The following LRP6 variants were observed in gnomAD, a reference collection of about 807,000 sequenced individuals.
LRP6 encodes the protein LDL receptor related protein 6, also known as low-density lipoprotein receptor-related protein 6.
A neutral mutation model predicts 184.1 loss-of-function variants in LRP6; 43 were observed. The ratio of observed to expected loss-of-function variants is 0.23; its 90% CI spans 0.18 to 0.30. LRP6 has a LOEUF of 0.30. Ranked by LOEUF, LRP6 falls within the 10% of genes least tolerant of loss-of-function variation. The pLI is 1.00. For missense variants in LRP6, 1,571 were observed against 2,005.3 expected, an observed-to-expected ratio of 0.78 and a Z score of 4.14; for synonymous variants, 719 against 684.9, an observed-to-expected ratio of 1.05 and a Z score of -0.78.
chr12:12,131,889 A>G lies in LRP6; in HGVS notation c.3902T>C (p.Ile1301Thr). 6.2e-7 allele frequency: 1 copy of G among 1,614,234 alleles called. No individual in the cohort carries two copies. The highest frequency in any genetic ancestry group is 8.5e-7 in the Non-Finnish European group (1 of 1,180,038). ...TCCATTGCATCGGAGGGCACCATCAATACACTGCCCACTGGCACACTGGAA... is the reference window on the plus strand; with the variant it reads ...TCCATTGCATCGGAGGGCACCATCAGTACACTGCCCACTGGCACACTGGAA... Reference protein sequence around the residue: ...SQFQCASGQCIDGALRCNGDA... With the variant: ...SQFQCASGQCTDGALRCNGDA... The change falls in exon 18 of 23, where the codon ATT (isoleucine) becomes ACT (threonine). Residue 1301 changes from isoleucine (I) to threonine (T), a missense_variant. Physicochemically the swap from Ile to Thr is moderately conservative, Grantham distance 89. Around this residue, in one of 4 missense-constraint regions of LRP6, gnomAD observed 763 missense variants for 859.5 expected, o/e 0.89. Coordinates refer to ENST00000261349, the MANE Select transcript of LRP6 (RefSeq NM_002336.3).
At chr12:12,198,638 A>G (rs537035236) in intron 3 of LRP6, among the ~76,000 whole-genome samples, 19 of 145,828 alleles carry the variant, frequency 1.3e-4, no homozygotes, top group Non-Finnish European at 2.8e-4. Context: ...GATTCAAGCG[A>G]TTCTACTGCC....
In LRP6 at chr12:12,157,544, T is replaced by C. The variant is rs757068290; in HGVS notation, c.2791+1285A>G. Reference sequence around the variant, plus strand: ...TACTTGTGTAAAGCAAAAAAGCTAATGTGTGGCAGAGATTCCAAAGTATAA... The same window carrying C: ...TACTTGTGTAAAGCAAAAAAGCTAACGTGTGGCAGAGATTCCAAAGTATAA... On this transcript the variant is annotated intron_variant, in intron 12 of 22. Coordinates refer to ENST00000261349, the MANE Select transcript of LRP6 (RefSeq NM_002336.3). Among the ~76,000 whole-genome samples, 7 of 152,182 alleles carry C rather than the reference T, an allele frequency of 4.6e-5. No homozygotes were observed. In the South Asian group the frequency reaches 8.3e-4, roughly 18 times the overall value.
chr12:12,255,751 T>G (rs1865447703), intron 1 of LRP6, among the ~76,000 whole-genome samples: 1 of 151,846 alleles, frequency 6.6e-6, no homozygotes, highest in Non-Finnish European at 1.5e-5. Context: ...GGATTTTTTT[T>G]GTAGAGATGA....
At chr12:12,251,620 G>A (rs915374286) in intron 1 of LRP6, among the ~76,000 whole-genome samples, 12 of 151,712 alleles carry the variant, frequency 7.9e-5, no homozygotes, top group Admixed American at 3.9e-4. Context: ...CACCCACCTC[G>A]ACCTCCCAAA....
intron 5 of LRP6, among the ~76,000 whole-genome samples, chr12:12,183,264 T>C (rs1863388566): frequency 6.6e-6 from 1 of 152,186 alleles, no homozygotes; most frequent in Non-Finnish European, 1.5e-5. Flanking sequence ...TTACCAGGTC[T>C]TGCTGGTTGC....
intron 2 of LRP6, among the ~76,000 whole-genome samples, chr12:12,243,996 A>T (rs1310546836): frequency 6.6e-6 from 1 of 152,108 alleles, no homozygotes; most frequent in Non-Finnish European, 1.5e-5. Context: ...AAATGGGAGG[A>T]TCACTTCAGC....
At chr12:12,159,399 A>T (rs1390624161) in intron 11 of LRP6, among the ~76,000 whole-genome samples, 2 of 152,216 alleles carry the variant, frequency 1.3e-5, no homozygotes, top group Non-Finnish European at 2.9e-5. Context: ...TCAGTTTCCT[A>T]AAATTCTTGC....
intron 2 of LRP6, among the ~76,000 whole-genome samples, chr12:12,221,424 C>A (rs1010608539): frequency 5.9e-5 from 9 of 152,154 alleles, no homozygotes; most frequent in African/African-American, 2.2e-4. Flanking sequence ...TGCACCTCCC[C>A]CCTCTTCCCT....
chr12:12,151,117 G>C (rs1024125027), intron 12 of LRP6, 79 bp from the exon 13 acceptor site: 1 of 1,234,702 alleles, frequency 8.1e-7, no homozygotes, highest in East Asian at 2.5e-5. Context: ...TCAGCCTGTT[G>C]TATGTATTTC....
chr12:12,252,270 A>C (rs1385911105), intron 1 of LRP6, among the ~76,000 whole-genome samples: 1 of 152,212 alleles, frequency 6.6e-6, no homozygotes, highest in Non-Finnish European at 1.5e-5. Context: ...CTATTTAATC[A>C]AATGTTCAAA....
intron 2 of LRP6, among the ~76,000 whole-genome samples, chr12:12,214,815 C>T (rs893371075): frequency 2.6e-5 from 4 of 152,210 alleles, no homozygotes; most frequent in African/African-American, 9.6e-5. Flanking sequence ...AAGCTTGAAT[C>T]TTACATTTGT....
At position 12,260,104 on chromosome 12, in the gene LRP6, C is replaced by G. The variant is rs183968733; in HGVS notation, c.55+6577G>C. 2.3e-3 allele frequency among the ~76,000 whole-genome samples: 355 copies of G among 152,156 alleles called. 2 individuals carry two copies. The highest frequency in any genetic ancestry group is 8.0e-3 in the African/African-American group (332 of 41,492). On this transcript the variant is annotated intron_variant, in intron 1 of 22. Coordinates refer to ENST00000261349, the MANE Select transcript of LRP6 (RefSeq NM_002336.3). ...CCTTTAGAAATAAATTTAGGCCAGG[C>G]GCGGTGGTTCACGCCTGTAATCCCA...
At chr12:12,164,840 C>T (rs1228246358) in intron 8 of LRP6, among the ~76,000 whole-genome samples, 1 of 138,646 alleles carries the variant, frequency 7.2e-6, no homozygotes, top group Non-Finnish European at 1.5e-5. Flanking sequence ...GAAGGTGTGC[C>T]TGTGCATGTG....
At chr12:12,253,895 A>C (rs1428056385) in intron 1 of LRP6, among the ~76,000 whole-genome samples, 1 of 151,978 alleles carries the variant, frequency 6.6e-6, no homozygotes, top group Non-Finnish European at 1.5e-5. Flanking sequence ...TCTAATCCCC[A>C]CACTTTGGGA....
intron 2 of LRP6, among the ~76,000 whole-genome samples, chr12:12,216,379 T>C (rs1482958944): frequency 6.6e-6 from 1 of 152,146 alleles, no homozygotes; most frequent in Non-Finnish European, 1.5e-5. Context: ...GATAATAATA[T>C]AGCCAATTAT....
intron 12 of LRP6, among the ~76,000 whole-genome samples, 178 bp downstream of exon 12, chr12:12,158,651 T>C (rs939612704): frequency 6.6e-6 from 1 of 152,178 alleles, no homozygotes; most frequent in Non-Finnish European, 1.5e-5. Context: ...TAACATCAAA[T>C]TGCTATCATC....
rs745416012 is a variant in LRP6 at position 12,125,400 on chromosome 12, G to A, written c.4345C>T (p.Leu1449Phe). 1 of 1,614,006 alleles carries A rather than the reference G, an allele frequency of 6.2e-7. No homozygotes were observed. Among genetic ancestry groups the A allele is most frequent in the South Asian group, 1.1e-5 (1 of 91,062 alleles). The change falls in exon 21 of 23, where the codon CTC (leucine) becomes TTC (phenylalanine). Residue 1449 changes from leucine (L) to phenylalanine (F), a missense_variant. Physicochemically the swap from Leu to Phe is conservative, Grantham distance 22. Transcript: ENST00000261349. ...MSRGKSMISSLSIMGGSSGPP... is the reference protein window; with the variant it reads ...MSRGKSMISSFSIMGGSSGPP... ...CCACTGCTTCCCCCCATGATACTGA[G>A]GGAGCTGATCATTGATTTACCTCGA...
intron 21 of LRP6, among the ~76,000 whole-genome samples, chr12:12,124,942 T>G (rs999866789): frequency 6.6e-6 from 1 of 152,194 alleles, no homozygotes; most frequent in Non-Finnish European, 1.5e-5. Context: ...TTTAAAATAG[T>G]AAGTATTTAG....
At chr12:12,165,348 G>C in intron 7 of LRP6, 53 bp from the exon 8 acceptor site, 1 of 1,307,876 alleles carries the variant, frequency 7.6e-7, no homozygotes. Flanking sequence ...TTATTCTTCA[G>C]CTAAAAATAA....
Sources: allele counts gnomAD v4.1 joint callset (sites outside exome capture counted in the v4.1 genomes callset), GRCh38; gene constraint gnomAD v4.1.1; regional missense constraint gnomAD v4.1.1; transcripts MANE v1.5; gene names NCBI Gene and HGNC (gene_info 2026-07-23, HGNC 2026-07-21).